The following UTRN variants were observed in gnomAD, a reference collection of about 807,000 sequenced individuals.
The protein encoded by UTRN is utrophin.
UTRN carries 283 observed loss-of-function variants against 463.9 expected under a neutral mutation model. The ratio of observed to expected loss-of-function variants is 0.61; its 90% CI spans 0.55 to 0.67. The LOEUF is 0.67. UTRN is among the 30% of genes least tolerant of loss of function. UTRN has a pLI of 0.00. For missense variants in UTRN, 3,922 were observed against 4,084.3 expected (o/e 0.96, Z 1.08); for synonymous variants, 1,442 against 1,431.5 (o/e 1.01, Z -0.17).
At chr6:144,421,764 A>G in intron 3 of UTRN, 114 bp from the exon 4 acceptor site, 1 of 569,012 alleles carries the variant, frequency 1.8e-6, no homozygotes, top group Non-Finnish European at 2.8e-6. Context: ...TCTGCAGATC[A>G]TCCACAACAT....
rs754597050 is a variant in UTRN at position 144,577,223 on chromosome 6, G to A, written c.7414G>A (p.Ala2472Thr). Residue 2472 changes from alanine (A) to threonine (T), a missense_variant, in exon 51 of 75, where the codon GCC becomes ACC. Around this residue, in one of 3 missense-constraint regions of UTRN, gnomAD observed 1,309 missense variants for 1,452.6 expected, o/e 0.90. Coordinates refer to ENST00000367545, the MANE Select transcript of UTRN (RefSeq NM_007124.3). ...AETTVNVLVD[A>T]SHRENALQDS... ...GACCACAGTGAATGTGCTTGTGGATGCCTCTCATCGGGAGAATGCTCTTCA... is the reference window on the plus strand; with the variant it reads ...GACCACAGTGAATGTGCTTGTGGATACCTCTCATCGGGAGAATGCTCTTCA... 1 of 1,613,992 alleles carries A rather than the reference G, an allele frequency of 6.2e-7. No homozygotes were observed. Among genetic ancestry groups the A allele is most frequent in the Admixed American group, 1.7e-5 (1 of 60,000 alleles).
At chr6:144,432,403 T>C (rs1785949276) in intron 9 of UTRN, among the ~76,000 whole-genome samples, 1 of 152,240 alleles carries the variant, frequency 6.6e-6, no homozygotes, top group Non-Finnish European at 1.5e-5. Context: ...ACTATCACAG[T>C]ATTTTTGTAA....
chr6:144,822,657 T>G (rs1463385531), intron 66 of UTRN, among the ~76,000 whole-genome samples: 1 of 152,096 alleles, frequency 6.6e-6, no homozygotes, highest in Non-Finnish European at 1.5e-5. Context: ...TTTTGATTTG[T>G]GGGTATGCTT....
At chr6:144,310,535 C>CA (rs59215811) in intron 2 of UTRN, among the ~76,000 whole-genome samples, 35,628 of 91,814 alleles carry the variant, frequency 0.39, 5,716 homozygotes, top group South Asian at 0.52. Flanking sequence ...AACTCCGTCT[C>CA]AAAAAAAAAA....
intron 51 of UTRN, among the ~76,000 whole-genome samples, chr6:144,592,496 A>T (rs1803191683): frequency 6.6e-6 from 1 of 151,938 alleles, no homozygotes; most frequent in African/African-American, 2.4e-5. Flanking sequence ...TCAGTCTCCC[A>T]AGTAGCTGGG....
At chr6:144,375,604 G>C (rs60593456) in intron 2 of UTRN, among the ~76,000 whole-genome samples, 1,910 of 152,226 alleles carry the variant, frequency 0.013, 40 homozygotes, top group African/African-American at 0.043. Context: ...AGTTGTCTTT[G>C]ATTGCTATAT....
chr6:144,783,612 C>A (rs6925418), intron 61 of UTRN, among the ~76,000 whole-genome samples: 2,611 of 152,248 alleles, frequency 0.017, 69 homozygotes, highest in African/African-American at 0.059. Flanking sequence ...ATCTTTTGAA[C>A]CTGTGAAATA....
At chr6:144,472,889 AC>A (rs1790811135) in intron 23 of UTRN, among the ~76,000 whole-genome samples, 1 of 150,682 alleles carries the variant, frequency 6.6e-6, no homozygotes, top group Non-Finnish European at 1.5e-5. Context: ...TGCCTAAGCC[AC>A]CCCGAGTAGC....
intron 53 of UTRN, among the ~76,000 whole-genome samples, chr6:144,720,594 A>G (rs768338849): frequency 4.7e-4 from 71 of 152,314 alleles, no homozygotes; most frequent in Non-Finnish European, 9.3e-4. Flanking sequence ...CTGCCATTTC[A>G]CGGCTTCATT....
At chr6:144,404,284 T>A (rs1350433059) in intron 3 of UTRN, among the ~76,000 whole-genome samples, 1 of 152,364 alleles carries the variant, frequency 6.6e-6, no homozygotes, top group East Asian at 1.9e-4. Context: ...GCTTGCATAA[T>A]TGGCAGTTAT....
intron 46 of UTRN, among the ~76,000 whole-genome samples, chr6:144,546,848 CTG>C (rs763071769): frequency 3.3e-5 from 5 of 151,682 alleles, no homozygotes; most frequent in Admixed American, 1.3e-4. Context: ...ACAAACAACT[CTG>C]TTTTCTAAAA....
At chr6:144,835,324 A>G (rs1329214840) in intron 69 of UTRN, among the ~76,000 whole-genome samples, 2 of 152,236 alleles carry the variant, frequency 1.3e-5, no homozygotes, top group African/African-American at 4.8e-5. Flanking sequence ...TAAATAAAAG[A>G]ACATAAGGAT....
chr6:144,839,405 G>A, intron 72 of UTRN, 121 bp downstream of exon 72: 1 of 710,918 alleles, frequency 1.4e-6, no homozygotes, highest in East Asian at 2.8e-5. Context: ...AGAGTTTTTT[G>A]TATTTGGTCT....
In UTRN at chr6:144,458,862, A is replaced by G. The variant is rs1272574526; in HGVS notation, c.2377A>G (p.Lys793Glu). The G allele has an allele frequency of 6.2e-7, 1 of 1,613,776 alleles. No homozygotes were observed. The highest frequency in any genetic ancestry group is 1.1e-5 in the South Asian group (1 of 90,908). Residue 793 changes from lysine to glutamate, a missense_variant, in exon 20 of 75, where the codon AAG becomes GAG. Physicochemically the swap from Lys to Glu is moderately conservative, Grantham distance 56. Coordinates refer to ENST00000367545, the MANE Select transcript of UTRN (RefSeq NM_007124.3). Reference sequence around the variant, plus strand: ...TCAACATTTGGAAGATCTAGAAAGAAAGATTCAGCTACAGGAAGATATAAA... The same window carrying G: ...TCAACATTTGGAAGATCTAGAAAGAGAGATTCAGCTACAGGAAGATATAAA... ...VSQHLEDLER[K>E]IQLQEDINAY...
chr6:144,348,081 G>C lies in UTRN; in HGVS notation c.80-55042G>C, dbSNP rs550347219. On this transcript the variant is annotated intron_variant, in intron 2 of 74. Transcript: ENST00000367545. ...AGGCTGGTCTTGAACTCCTGAGCTC[G>C]AGTGATCCTCCCTCTTGGCCTCCCA... is the stretch of plus-strand genomic sequence containing the variant. Among the ~76,000 whole-genome samples, 22 of 152,040 alleles carry C rather than the reference G, an allele frequency of 1.4e-4. No individual in the cohort carries two copies. In the East Asian group the frequency reaches 4.1e-3, roughly 28 times the overall value.
At chr6:144,689,372 A>G (rs1436471625) in intron 52 of UTRN, among the ~76,000 whole-genome samples, 3 of 152,166 alleles carry the variant, frequency 2.0e-5, no homozygotes, top group Admixed American at 1.3e-4. Flanking sequence ...TTCTCCACTG[A>G]GCCCAGCATT....
At chr6:144,839,091 G>A (rs1300678593) in intron 71 of UTRN, 82 bp from the exon 72 acceptor site, 1 of 1,050,522 alleles carries the variant, frequency 9.5e-7, no homozygotes, top group Non-Finnish European at 1.5e-6. Flanking sequence ...CCATGGTGAG[G>A]GCGGGGAAGT....
At chr6:144,307,780 TA>T (rs1805872537) in intron 2 of UTRN, among the ~76,000 whole-genome samples, 1 of 152,094 alleles carries the variant, frequency 6.6e-6, no homozygotes, top group South Asian at 2.1e-4. Context: ...AAGTGGCAAA[TA>T]ATCAGACATA....
At chr6:144,502,693 A>G (rs1585038963) in intron 34 of UTRN, among the ~76,000 whole-genome samples, 1 of 152,304 alleles carries the variant, frequency 6.6e-6, no homozygotes, top group East Asian at 1.9e-4. Context: ...AGTCTTTGCT[A>G]TTGTGAATAG....
Sources: gnomAD v4.1 joint callset for allele counts (sites outside exome capture counted in the v4.1 genomes callset) on GRCh38, gnomAD v4.1.1 for gene constraint, gnomAD v4.1.1 regional missense constraint, MANE v1.5 for transcripts, NCBI Gene and HGNC (gene_info 2026-07-23, HGNC 2026-07-21) for gene names.